PTPN14: variants seen among roughly 807,000 people sequenced by gnomAD.
PTPN14 encodes the protein tyrosine-protein phosphatase non-receptor type 14.
PTPN14 carries 53 observed loss-of-function variants against 126.8 expected under a neutral mutation model. The ratio of observed to expected loss-of-function variants is 0.42; its 90% confidence interval spans 0.34 to 0.53. The LOEUF is 0.53. Among genes scored for constraint, PTPN14 ranks in the 20% least tolerant of loss-of-function variants. The probability of loss-of-function intolerance (pLI) is 0.08; values close to 1 mark genes in which losing one functional copy is unlikely to be tolerated. For synonymous variants in PTPN14, 630 were observed against 599.3 expected (o/e 1.05, Z -0.75); for missense variants, 1,257 against 1,552.9 (o/e 0.81, Z 3.20).
chr1:214,510,765 C>G (rs576244111), intron 1 of PTPN14, among the ~76,000 whole-genome samples: 2 of 152,362 alleles, frequency 1.3e-5, no homozygotes, highest in South Asian at 2.1e-4. Flanking sequence ...CTGGGCAGTT[C>G]TATGCCTTGG....
intron 13 of PTPN14, among the ~76,000 whole-genome samples, chr1:214,378,515 C>T (rs1473640521): frequency 6.6e-6 from 1 of 152,212 alleles, no homozygotes; most frequent in Non-Finnish European, 1.5e-5. Context: ...TCTGCACAGA[C>T]GGAACGGAGC....
intron 18 of PTPN14, among the ~76,000 whole-genome samples, chr1:214,361,006 G>A (rs754290862): frequency 1.1e-4 from 17 of 152,146 alleles, no homozygotes; most frequent in Admixed American, 2.0e-4. Flanking sequence ...ATGTGAAGAC[G>A]TGCTTAATTC....
Position 214,451,878 on chromosome 1 carries a change from T to C in PTPN14, c.271A>G (p.Asn91Asp). ...ACTCCAAAGAAAAGCAAAGGCTCATTAGCGAATTTGTCCAGATGTTTCTTC... is the reference window on the plus strand; with the variant it reads ...ACTCCAAAGAAAAGCAAAGGCTCATCAGCGAATTTGTCCAGATGTTTCTTC... ...PLKKHLDKFA[N>D]EPLLFFGVMF... The change falls in exon 3 of 19, where the codon AAT becomes GAT. Residue 91 changes from asparagine to aspartate, a missense_variant. Transcript: ENST00000366956. 6.2e-7 allele frequency: 1 copy of C among 1,614,214 alleles called. No individual in the cohort carries two copies.
chr1:214,378,720 C>T (rs1192421419), intron 13 of PTPN14, among the ~76,000 whole-genome samples: 2 of 152,182 alleles, frequency 1.3e-5, no homozygotes, highest in Non-Finnish European at 2.9e-5. Flanking sequence ...AACTCACTAA[C>T]AGCAAAGCCT....
chr1:214,402,498 G>A lies in PTPN14; in HGVS notation c.581+385C>T, dbSNP rs114828979. On this transcript the variant is annotated intron_variant, in intron 6 of 18. Coordinates refer to ENST00000366956, the MANE Select transcript of PTPN14 (RefSeq NM_005401.5). ...AACTTAGGATCACTGCATAGGCCTC[G>A]ATATCAAACTCCTGGTGCTTCCTTG... 6.8e-3 allele frequency among the ~76,000 whole-genome samples: 1,006 copies of A among 147,620 alleles called. 11 individuals carry two copies. Among genetic ancestry groups the A allele is most frequent in the African/African-American group, 0.024 (963 of 39,896 alleles).
chr1:214,416,835 A>C (rs1369258060), intron 3 of PTPN14, among the ~76,000 whole-genome samples: 1 of 152,216 alleles, frequency 6.6e-6, no homozygotes, highest in Non-Finnish European at 1.5e-5. Flanking sequence ...ATTCTATCGA[A>C]TATGATGACT....
At chr1:214,524,098 C>A (rs1190583753) in intron 1 of PTPN14, among the ~76,000 whole-genome samples, 2 of 151,960 alleles carry the variant, frequency 1.3e-5, no homozygotes, top group African/African-American at 4.8e-5. Context: ...GATCTACCTG[C>A]CTCGGCCTCC....
chr1:214,427,703 C>G lies in PTPN14; in HGVS notation c.345-12977G>C, dbSNP rs149297884. 1.7e-3 allele frequency among the ~76,000 whole-genome samples: 261 copies of G among 152,038 alleles called. 1 individual carries two copies. Among genetic ancestry groups the G allele is most frequent in the African/African-American group, 6.0e-3 (248 of 41,462 alleles). ...AACAATAGGTCCAATGAGAAAAAAG[C>G]AGGCAAGAGACACAGAGAGTAGCAA... On this transcript the variant is annotated intron_variant, in intron 3 of 18. Coordinates refer to ENST00000366956, the MANE Select transcript of PTPN14 (RefSeq NM_005401.5).
intron 1 of PTPN14, among the ~76,000 whole-genome samples, chr1:214,548,377 T>C (rs1380313885): frequency 6.6e-6 from 1 of 152,170 alleles, no homozygotes; most frequent in East Asian, 1.9e-4. Flanking sequence ...TCAATTTAAA[T>C]CCGTAAGGGG....
intron 13 of PTPN14, among the ~76,000 whole-genome samples, chr1:214,382,205 T>A (rs3013447): frequency 0.11 from 16,563 of 152,142 alleles, 1,045 homozygotes; most frequent in South Asian, 0.17. Context: ...CCAGTCGAGA[T>A]TTTTTAAAGT....
At chr1:214,372,004 A>C (rs1339806677) in intron 16 of PTPN14, among the ~76,000 whole-genome samples, 2 of 152,208 alleles carry the variant, frequency 1.3e-5, no homozygotes, top group Non-Finnish European at 2.9e-5. Context: ...ATTGGAATTT[A>C]ATGAAAGAAA....
At chr1:214,446,703 G>A (rs912030918) in intron 3 of PTPN14, among the ~76,000 whole-genome samples, 2 of 151,796 alleles carry the variant, frequency 1.3e-5, no homozygotes, top group Non-Finnish European at 2.9e-5. Flanking sequence ...ACTCCTATGT[G>A]TCTTGATATA....
At chr1:214,391,287 A>C (rs1267047302) in intron 10 of PTPN14, among the ~76,000 whole-genome samples, 1 of 152,164 alleles carries the variant, frequency 6.6e-6, no homozygotes, top group Non-Finnish European at 1.5e-5. Context: ...TATTAAACCA[A>C]TGGAGGCTTA....
chr1:214,548,254 C>T (rs902570604), intron 1 of PTPN14, among the ~76,000 whole-genome samples: 5 of 152,184 alleles, frequency 3.3e-5, no homozygotes, highest in African/African-American at 1.2e-4. Flanking sequence ...AAACCTGGAC[C>T]GCCTGCTCCA....
intron 1 of PTPN14, among the ~76,000 whole-genome samples, chr1:214,542,041 C>T (rs1655849476): frequency 6.6e-6 from 1 of 152,162 alleles, no homozygotes; most frequent in Admixed American, 6.5e-5. Context: ...CACCTCCACC[C>T]CTGCTCACCA....
At chr1:214,419,420 C>A (rs942638237) in intron 3 of PTPN14, among the ~76,000 whole-genome samples, 3 of 152,118 alleles carry the variant, frequency 2.0e-5, no homozygotes, top group Non-Finnish European at 4.4e-5. Context: ...CTTTTTGAAG[C>A]CTTTCCATAA....
intron 3 of PTPN14, among the ~76,000 whole-genome samples, chr1:214,439,617 C>T (rs1313578514): frequency 6.6e-6 from 1 of 152,186 alleles, no homozygotes; most frequent in Non-Finnish European, 1.5e-5. Context: ...AGTTAGGAGG[C>T]TGTAAACCGA....
rs1263382396 is a variant in PTPN14, at chr1:214,350,292, C to G, written c.*7630G>C. Reference sequence around the variant, plus strand: ...AAAGCATTTTCCCTGCAGGGAGAAGCTAGAAACAAATGGGTCTTCCTATAC... The same window carrying G: ...AAAGCATTTTCCCTGCAGGGAGAAGGTAGAAACAAATGGGTCTTCCTATAC... On this transcript the variant is annotated 3_prime_UTR_variant, in exon 19 of 19. Transcript: ENST00000366956. 1 of 152,152 alleles carries G rather than the reference C, an allele frequency of 6.6e-6. No individual in the cohort carries two copies. Among genetic ancestry groups the G allele is most frequent in the Non-Finnish European group, 1.5e-5 (1 of 68,040 alleles). The allele number at this position is 152,152 out of a possible 1,614,324, so 9.4% of individuals were successfully genotyped here.
intron 1 of PTPN14, among the ~76,000 whole-genome samples, chr1:214,520,065 A>AAAAAAAATATATATATATATATATAT: frequency 2.8e-5 from 2 of 71,108 alleles, no homozygotes; most frequent in East Asian, 9.6e-4. Context: ...AAAAAAAAAA[A>AAAAAAAATATATATATATATATATAT]ATATATATAT....
Sources: gnomAD v4.1 joint callset for allele counts (sites outside exome capture counted in the v4.1 genomes callset) on GRCh38, gnomAD v4.1.1 for gene constraint, MANE v1.5 for transcripts, NCBI Gene and HGNC (gene_info 2026-07-23, HGNC 2026-07-21) for gene names.